Variants in PLCG2 observed in about 807,000 individuals in gnomAD.
PLCG2 encodes the protein phospholipase C gamma 2.
PLCG2 carries 69 observed loss-of-function variants against 175.6 expected under a neutral mutation model. That is an observed-to-expected ratio of 0.39 (90% CI 0.32 to 0.48). The LOEUF (loss-of-function observed/expected upper bound fraction) is 0.48. PLCG2 is among the 20% of genes least tolerant of loss of function. The pLI is 0.91. For synonymous variants in PLCG2, 827 were observed against 624.0 expected (o/e 1.33, Z -4.85); for missense variants, 1,798 against 1,650.9 (o/e 1.09, Z -1.54).
At chr16:81,760,748 T>TAAAAAAAA (rs1224811220) in intron 2 of PLCG2, among the ~76,000 whole-genome samples, 1 of 87,892 alleles carries the variant, frequency 1.1e-5, no homozygotes, top group African/African-American at 3.5e-5. Flanking sequence ...CCGTCTCTAT[T>TAAAAAAAA]AAAAAAAAAA....
chr16:81,782,074 C>G (rs1284860802), intron 1 of PLCG2, among the ~76,000 whole-genome samples: 2 of 152,072 alleles, frequency 1.3e-5, no homozygotes, highest in Non-Finnish European at 2.9e-5. Flanking sequence ...GACGGGGTTT[C>G]ATCGTGTTAG....
chr16:81,895,066 T>A (rs995667982), intron 12 of PLCG2, among the ~76,000 whole-genome samples: 9 of 152,180 alleles, frequency 5.9e-5, no homozygotes, highest in African/African-American at 1.9e-4. Context: ...CTTGAAGCAG[T>A]CAGCTCCTGT....
intron 2 of PLCG2, among the ~76,000 whole-genome samples, chr16:81,765,158 T>C (rs1340152485): frequency 2.0e-5 from 3 of 152,076 alleles, no homozygotes; most frequent in Non-Finnish European, 2.9e-5. Context: ...CACAGAGACA[T>C]GCACAGAGGG....
intron 2 of PLCG2, among the ~76,000 whole-genome samples, chr16:81,832,412 C>A (rs1274821848): frequency 1.3e-5 from 2 of 152,156 alleles, no homozygotes; most frequent in Non-Finnish European, 2.9e-5. Context: ...TTTTTTGAGA[C>A]ACGATCTCAC....
At chr16:81,921,888 C>A (rs1910077405) in intron 21 of PLCG2, among the ~76,000 whole-genome samples, 1 of 152,210 alleles carries the variant, frequency 6.6e-6, no homozygotes, top group African/African-American at 2.4e-5. Flanking sequence ...AATTTATAAT[C>A]CATGGCCAAT....
intron 2 of PLCG2, among the ~76,000 whole-genome samples, chr16:81,769,938 A>G (rs1216326766): frequency 6.6e-6 from 1 of 151,196 alleles, no homozygotes; most frequent in Non-Finnish European, 1.5e-5. Flanking sequence ...CGGTTTTCTT[A>G]TCTGTAAAGC....
intron 2 of PLCG2, among the ~76,000 whole-genome samples, chr16:81,841,345 T>C (rs1905819566): frequency 6.6e-6 from 1 of 152,104 alleles, no homozygotes; most frequent in Non-Finnish European, 1.5e-5. Context: ...CAAGCCGTTC[T>C]TCTCAGCCTC....
intron 13 of PLCG2, among the ~76,000 whole-genome samples, chr16:81,896,522 G>T (rs926658964): frequency 2.0e-5 from 3 of 151,988 alleles, no homozygotes; most frequent in African/African-American, 7.3e-5. Flanking sequence ...AGGTTACAGT[G>T]AGGTCACATT....
upstream of PLCG2, chr16:81,739,047 G>C (rs1909524692): frequency 6.6e-6 from 1 of 152,074 alleles, no homozygotes; most frequent in Admixed American, 6.5e-5. Context: ...TGATAAGCGT[G>C]AACTAGAGAG....
chr16:81,831,742 G>C (rs575357198), intron 2 of PLCG2, among the ~76,000 whole-genome samples: 44 of 152,270 alleles, frequency 2.9e-4, no homozygotes, highest in African/African-American at 1.1e-3. Flanking sequence ...GACCCCAGGA[G>C]GCTCCCCGCT....
chr16:81,873,663 C>G (rs1161175222), intron 7 of PLCG2, among the ~76,000 whole-genome samples: 1 of 152,062 alleles, frequency 6.6e-6, no homozygotes, highest in Non-Finnish European at 1.5e-5. Flanking sequence ...GGAGCAGTAG[C>G]TCACGCCTGT....
rs147749022 is a variant in PLCG2, at chr16:81,859,113, C to T, written c.432-3C>T. 1.3e-3 allele frequency: 2,087 copies of T among 1,567,326 alleles called. 1 individual carries two copies. Among genetic ancestry groups the T allele is most frequent in the Non-Finnish European group, 1.7e-3 (1,957 of 1,137,430 alleles). ...CTTTCTTTTGTCTCATATTTCTTTC[C>T]AGTTGGCTGAGAAAGCAGATATATT... On this transcript the variant is annotated splice_region_variant and splice_polypyrimidine_tract_variant and intron_variant, in intron 4 of 32. Transcript: ENST00000564138.
At chr16:81,887,396 G>C (rs1449606745) in intron 9 of PLCG2, among the ~76,000 whole-genome samples, 4 of 152,212 alleles carry the variant, frequency 2.6e-5, no homozygotes, top group Non-Finnish European at 5.9e-5. Context: ...TAGGATTACA[G>C]GCATGAGCCA....
At chr16:81,778,603 G>C (rs755231725), upstream of PLCG2, among the ~76,000 whole-genome samples, 5 of 152,110 alleles carry the variant, frequency 3.3e-5, no homozygotes, top group Non-Finnish European at 7.3e-5. Context: ...CAATTGTCTG[G>C]GGTTCTTTGC....
chr16:81,907,568 A>T (rs1331322163), intron 15 of PLCG2, 117 bp from the exon 16 acceptor site: 1 of 594,548 alleles, frequency 1.7e-6, no homozygotes, highest in African/African-American at 1.8e-5. Flanking sequence ...AATGTCTATG[A>T]AACTGGGAAA....
At chr16:81,745,205 C>T (rs1909680142) in intron 1 of PLCG2, among the ~76,000 whole-genome samples, 2 of 152,138 alleles carry the variant, frequency 1.3e-5, no homozygotes, top group South Asian at 4.1e-4. Context: ...TCGGTCTAAG[C>T]CAGTGGTGGC....
At chr16:81,812,629 A>G (rs145249561) in intron 2 of PLCG2, among the ~76,000 whole-genome samples, 1 of 152,254 alleles carries the variant, frequency 6.6e-6, no homozygotes, top group East Asian at 1.9e-4. Flanking sequence ...TCCATTCTGT[A>G]TGTTGCCTGC....
rs142646723 is a variant in PLCG2 at position 81,907,621 on chromosome 16, C to T, written c.1468-64C>T. The T allele has an allele frequency of 4.3e-4, 502 of 1,178,402 alleles. 4 individuals are homozygous for T. The East Asian group carries it at 0.011, about 26-fold the overall frequency. The allele number at this position is 1,178,402 out of a possible 1,614,324, so 73.0% of individuals were successfully genotyped here. A position where few individuals can be genotyped will look rare whatever the true frequency, so the allele number is the denominator to read the frequency against. On this transcript the variant is annotated intron_variant, in intron 15 of 32. Transcript: ENST00000564138. The stretch of plus-strand genomic sequence containing the variant: ...TGCTGGGGTGACGCCCTGCAGGGCT[C>T]CTGGGCTCCACAGTTGATGAGGTAG...
chr16:81,784,665 C>T (rs1910890905), intron 1 of PLCG2, among the ~76,000 whole-genome samples: 1 of 152,186 alleles, frequency 6.6e-6, no homozygotes, highest in African/African-American at 2.4e-5. Flanking sequence ...CTAAGGAGTG[C>T]TGACTTTGTA....
Sources: allele counts gnomAD v4.1 joint callset (sites outside exome capture counted in the v4.1 genomes callset), GRCh38; gene constraint gnomAD v4.1.1; transcripts MANE v1.5; gene names NCBI Gene and HGNC (gene_info 2026-07-23, HGNC 2026-07-21).